Variants in TBC1D8 observed in about 807,000 individuals in gnomAD.
TBC1D8 encodes BUB2-like protein 1.
Under a neutral mutation model 118.8 loss-of-function variants are expected in TBC1D8, and 65 were observed. The observed-to-expected ratio is 0.55, with a 90% confidence interval of 0.45 to 0.67. The LOEUF (loss-of-function observed/expected upper bound fraction) is 0.67, where lower values mean the gene tolerates loss of function less well. TBC1D8 is among the 30% of genes least tolerant of loss of function. TBC1D8 has a pLI of 0.00. For synonymous variants in TBC1D8, 566 were observed against 595.8 expected (o/e 0.95, Z 0.73); for missense variants, 1,376 against 1,471.2 (o/e 0.94, Z 1.06).
Position 101,033,611 on chromosome 2 carries a change from C to G in TBC1D8, c.1751G>C (p.Gly584Ala). Residue 584 changes from glycine (G) to alanine (A), a missense_variant, in exon 10 of 20, where the codon GGA becomes GCA. Coordinates refer to ENST00000409318, the MANE Select transcript of TBC1D8 (RefSeq NM_001330348.2). ...PEHPAFQNET[G>A]IAALRRVLTA... ...CAAGACTCTCCTCAAAGCAGCAATT[C>G]CCGTTTCGTTCTGGAAGGCGGGGTG... The G allele has an allele frequency of 6.2e-7, 1 of 1,613,946 alleles. No individual in the cohort carries two copies.
At position 101,028,037 on chromosome 2, in the gene TBC1D8, C is replaced by G. The variant is rs533394868; in HGVS notation, c.2451+11G>C. On this transcript the variant is annotated intron_variant, in intron 14 of 19. Coordinates refer to ENST00000409318, the MANE Select transcript of TBC1D8 (RefSeq NM_001330348.2). ...TACCGTGATCACCGGGGTGAGGCGT[C>G]TGCTACCCACCACGTTCTGCTTTGT... 1 of 1,613,688 alleles carries G rather than the reference C, an allele frequency of 6.2e-7. No individual in the cohort carries two copies. Among genetic ancestry groups the G allele is most frequent in the Non-Finnish European group, 8.5e-7 (1 of 1,179,562 alleles).
intron 3 of TBC1D8, among the ~76,000 whole-genome samples, chr2:101,057,604 T>C (rs560997047): frequency 6.6e-4 from 100 of 152,312 alleles, no homozygotes; most frequent in African/African-American, 2.3e-3. Context: ...GGCAGGAGGA[T>C]TGCTTGAGCC....
intron 12 of TBC1D8, 166 bp from the exon 13 acceptor site, chr2:101,028,598 A>G (rs1680491144): frequency 9.8e-7 from 1 of 1,020,152 alleles, no homozygotes; most frequent in Non-Finnish European, 1.4e-6. Flanking sequence ...AGAGGCAGTC[A>G]TGAAGCCCGG....
chr2:101,023,370 T>C (rs1018906175), intron 15 of TBC1D8, among the ~76,000 whole-genome samples: 10 of 151,972 alleles, frequency 6.6e-5, no homozygotes, highest in Non-Finnish European at 1.0e-4. Flanking sequence ...GGTCTCGAAC[T>C]CTTGACCTTG....
intron 3 of TBC1D8, among the ~76,000 whole-genome samples, chr2:101,058,225 TG>T (rs1244554994): frequency 6.6e-6 from 1 of 152,172 alleles, no homozygotes; most frequent in Non-Finnish European, 1.5e-5. Flanking sequence ...AAGAAGACAT[TG>T]TCAAGCTGGC....
At position 101,029,510 on chromosome 2, in the gene TBC1D8, C is replaced by T; in HGVS notation, c.2203G>A (p.Ala735Thr). The part of the protein sequence containing the change: ...DLCSSKDDGQ[A>T]LMILSRFLDH... Reference sequence around the variant, plus strand: ...GCCCACCTGCTGAGGATCATCAAGGCCTGGCCATCATCCTTGCTGCTGCAC... The same window carrying T: ...GCCCACCTGCTGAGGATCATCAAGGTCTGGCCATCATCCTTGCTGCTGCAC... The change falls in exon 12 of 20, where the codon GCC becomes ACC. Residue 735 changes from alanine (A) to threonine (T), a missense_variant. Physicochemically the swap from Ala to Thr is moderately conservative, Grantham distance 58. Coordinates refer to ENST00000409318, the MANE Select transcript of TBC1D8 (RefSeq NM_001330348.2). 1 of 1,613,564 alleles carries T rather than the reference C, an allele frequency of 6.2e-7. No homozygotes were observed. The highest frequency in any genetic ancestry group is 8.5e-7 in the Non-Finnish European group (1 of 1,179,622).
chr2:101,096,439 A>AAAAAC (rs1676440936), intron 1 of TBC1D8, among the ~76,000 whole-genome samples: 1 of 149,022 alleles, frequency 6.7e-6, no homozygotes, highest in Non-Finnish European at 1.5e-5. Context: ...AAAAAAAAAA[A>AAAAAC]AAAAAAAACT....
chr2:101,091,330 C>T lies in TBC1D8; in HGVS notation c.128-966G>A, dbSNP rs181590721. Among the ~76,000 whole-genome samples, 3 of 152,198 alleles carry T rather than the reference C, an allele frequency of 2.0e-5. No individual in the cohort carries two copies. In the East Asian group the frequency reaches 5.8e-4, roughly 29 times the overall value. ...AAAACCTATCAAAGTCTTTTACAGA[C>T]CATAAAGCACGAAATGTGAGTGCAG... is the stretch of plus-strand genomic sequence containing the variant. On this transcript the variant is annotated intron_variant, in intron 1 of 19. Coordinates refer to ENST00000409318, the MANE Select transcript of TBC1D8 (RefSeq NM_001330348.2).
chr2:101,094,054 C>G (rs778855522), intron 1 of TBC1D8, among the ~76,000 whole-genome samples: 1 of 152,066 alleles, frequency 6.6e-6, no homozygotes, highest in Non-Finnish European at 1.5e-5. Flanking sequence ...TATCCCCTCC[C>G]CAGCAGAGGC....
chr2:101,071,543 C>T lies in TBC1D8; in HGVS notation c.284-12004G>A, dbSNP rs1674436611. Among the ~76,000 whole-genome samples, 4 of 152,122 alleles carry T rather than the reference C, an allele frequency of 2.6e-5. No homozygotes were observed. In the South Asian group the frequency reaches 8.3e-4, roughly 32 times the overall value. On this transcript the variant is annotated intron_variant, in intron 2 of 19. Coordinates refer to ENST00000409318, the MANE Select transcript of TBC1D8 (RefSeq NM_001330348.2). ...GTATTTGGAGAATAACTTTCTATAA[C>T]ACTAACCATTATTTGATAATAGAAC...
chr2:101,042,493 A>G (rs1476050762), intron 5 of TBC1D8, among the ~76,000 whole-genome samples: 1 of 152,208 alleles, frequency 6.6e-6, no homozygotes, highest in Admixed American at 6.5e-5. Context: ...GATTGCTACA[A>G]AATGGGAATA....
At chr2:101,026,665 G>C (rs1187476101) in intron 15 of TBC1D8, among the ~76,000 whole-genome samples, 1 of 152,126 alleles carries the variant, frequency 6.6e-6, no homozygotes, top group Admixed American at 6.5e-5. Context: ...CTGCAACTGC[G>C]CTTCCTCCCC....
chr2:101,107,117 G>C (rs1286698418), intron 1 of TBC1D8, among the ~76,000 whole-genome samples: 1 of 152,178 alleles, frequency 6.6e-6, no homozygotes, highest in Admixed American at 6.5e-5. Context: ...CAGAGCGTGA[G>C]AGCCAGGTTT....
intron 5 of TBC1D8, among the ~76,000 whole-genome samples, chr2:101,045,243 C>T (rs1033911815): frequency 6.6e-6 from 1 of 152,188 alleles, no homozygotes; most frequent in African/African-American, 2.4e-5. Flanking sequence ...CCTAAGAGGA[C>T]CCAAGAAGGT....
intron 2 of TBC1D8, among the ~76,000 whole-genome samples, chr2:101,076,625 A>G (rs1431238505): frequency 6.6e-6 from 1 of 152,236 alleles, no homozygotes; most frequent in East Asian, 1.9e-4. Flanking sequence ...AAATTGGCCC[A>G]ACTTCTTCAA....
chr2:101,068,865 G>A (rs1414119140), intron 2 of TBC1D8, among the ~76,000 whole-genome samples: 5 of 152,040 alleles, frequency 3.3e-5, no homozygotes, highest in African/African-American at 7.2e-5. Context: ...TGAGCGTGGT[G>A]GTGGGGCGCC....
intron 1 of TBC1D8, among the ~76,000 whole-genome samples, chr2:101,104,228 T>C (rs2592391): frequency 0.15 from 16,943 of 112,896 alleles, 1,180 homozygotes; most frequent in South Asian, 0.23. Context: ...GAGATCTAAA[T>C]AGATAGATAT....
At position 101,030,795 on chromosome 2, in the gene TBC1D8, CAGCAACAAAG is replaced by C. The variant is rs956822905; in HGVS notation, c.1937-1029_1937-1020del. 4.1e-4 allele frequency among the ~76,000 whole-genome samples: 63 copies of C among 152,232 alleles called. 1 individual carries two copies. The highest frequency in any genetic ancestry group is 1.4e-3 in the African/African-American group (59 of 41,462). ...ACAAGCACACCAGTGAAATCCTACT[CAGCAACAAAG>C]AGGAGCAAGCTCTACAAATGCACCA... On this transcript the variant is annotated intron_variant, in intron 11 of 19. Coordinates refer to ENST00000409318, the MANE Select transcript of TBC1D8 (RefSeq NM_001330348.2).
At chr2:101,089,352 G>A (rs1164523896) in intron 2 of TBC1D8, among the ~76,000 whole-genome samples, 2 of 152,006 alleles carry the variant, frequency 1.3e-5, no homozygotes, top group Admixed American at 6.6e-5. Context: ...AAGGGTTGCA[G>A]GTGATTATTT....
Sources: allele counts gnomAD v4.1 joint callset (sites outside exome capture counted in the v4.1 genomes callset), GRCh38; gene constraint gnomAD v4.1.1; transcripts MANE v1.5; gene names NCBI Gene and HGNC (gene_info 2026-07-23, HGNC 2026-07-21).